DNM1: variants seen among roughly 807,000 people sequenced by gnomAD.
The protein encoded by DNM1 is dynamin-1.
In DNM1, 29 loss-of-function variants were observed where a neutral mutation model predicts 104.6. The observed-to-expected ratio is 0.28, with a 90% CI of 0.21 to 0.38. The LOEUF (loss-of-function observed/expected upper bound fraction) is 0.38. Ranked by LOEUF, DNM1 falls within the 10% of genes least tolerant of loss-of-function variation. The pLI is 1.00. For missense variants in DNM1, 640 were observed against 1,189.4 expected (o/e 0.54, Z 6.79); for synonymous variants, 445 against 475.8 (o/e 0.94, Z 0.84).
In DNM1 at chr9:128,219,877, G is replaced by T; in HGVS notation, c.590-111G>T. 6 of 703,532 alleles carry T rather than the reference G, an allele frequency of 8.5e-6. No homozygotes were observed. In the East Asian group the frequency reaches 1.6e-4, roughly 19 times the overall value. The allele number at this position is 703,532 out of a possible 1,614,324, so 43.6% of individuals were successfully genotyped here. ...AATGAATAAGGGGGAAAGAGAGGAGGCAGTGAGCAGGCAGGGGGCCGAGGA... is the reference window on the plus strand; with the variant it reads ...AATGAATAAGGGGGAAAGAGAGGAGTCAGTGAGCAGGCAGGGGGCCGAGGA... On this transcript the variant is annotated intron_variant, in intron 4 of 21. Transcript: ENST00000372923.
At position 128,246,280 on chromosome 9, in the gene DNM1, G is replaced by A. The variant is rs1402669903; in HGVS notation, c.1672-114G>A. 1.3e-5 allele frequency: 10 copies of A among 763,836 alleles called. No individual in the cohort carries two copies. In the Admixed American group the frequency reaches 1.8e-4, roughly 14 times the overall value. 47.3% of individuals were successfully genotyped at this position (763,836 alleles called of 1,614,324 possible). A position where few individuals can be genotyped will look rare whatever the true frequency, so the allele number is the denominator to read the frequency against. On this transcript the variant is annotated intron_variant, in intron 15 of 21. Coordinates refer to ENST00000372923, the MANE Select transcript of DNM1 (RefSeq NM_004408.4). ...GCTTTTATCTAGCTGCACCTTCGCA[G>A]TGGGAGGGGGCTGATGCTTAGAAGC...
rs61020870 is a variant in DNM1 at position 128,220,742 on chromosome 9, C to CGCGTGT, written c.849+402_849+403insCGTGTG. Among the ~76,000 whole-genome samples, 8 of 136,278 alleles carry CGCGTGT rather than the reference C, an allele frequency of 5.9e-5. No individual in the cohort carries two copies. Among genetic ancestry groups the CGCGTGT allele is most frequent in the Non-Finnish European group, 9.5e-5 (6 of 63,298 alleles). 89.4% of individuals were successfully genotyped at this position (136,278 alleles called of 152,430 possible). ...CAGAACTGAAGTGCGCGCGCGCGCGCGTGTGTGTGTGTGTGTGTGTGTGTG... is the reference window on the plus strand; with the variant it reads ...CAGAACTGAAGTGCGCGCGCGCGCGCGCGTGTGTGTGTGTGTGTGTGTGTGTGTGTG... On this transcript the variant is annotated intron_variant, in intron 6 of 21. Coordinates refer to ENST00000372923, the MANE Select transcript of DNM1 (RefSeq NM_004408.4). The surrounding 1 kb of genome is among the most constrained non-coding windows in gnomAD (Gnocchi z 5.2).
rs985173388 is a variant in DNM1 at position 128,239,797 on chromosome 9, C to A, written c.1545+18C>A. The A allele has an allele frequency of 2.5e-6, 4 of 1,611,542 alleles. No homozygotes were observed. The East Asian group carries it at 8.9e-5, about 36-fold the overall frequency. On this transcript the variant is annotated intron_variant, in intron 13 of 21. Coordinates refer to ENST00000372923, the MANE Select transcript of DNM1 (RefSeq NM_004408.4). ...GGAACCAGGTGAGTGGGGCCCAGCA[C>A]CCCAGCCCGAGGGATGGAGGGTGCC...
rs1358153245 is a variant in DNM1, at chr9:128,244,989, G to T, written c.1672-1405G>T. On this transcript the variant is annotated intron_variant, in intron 15 of 21. Coordinates refer to ENST00000372923, the MANE Select transcript of DNM1 (RefSeq NM_004408.4). The stretch of plus-strand genomic sequence containing the variant: ...CAACTCCCCTTCTGCCTCCTTTGAC[G>T]TGGCAGGGGTGAGCGGGAGCTGGGG... The T allele has an allele frequency of 7.2e-6, 2 of 278,838 alleles. 1 individual carries two copies. Among genetic ancestry groups the T allele is most frequent in the South Asian group, 5.7e-5 (2 of 35,084 alleles). 17.3% of individuals were successfully genotyped at this position (278,838 alleles called of 1,614,324 possible).
At chr9:128,252,936 T>C in intron 21 of DNM1, 1 of 719,048 alleles carries the variant, frequency 1.4e-6, no homozygotes, top group South Asian at 1.5e-5. Flanking sequence ...GAAGGAGGCG[T>C]ATGCGTGTTG....
chr9:128,245,041 G>A lies in DNM1; in HGVS notation c.1672-1353G>A. On this transcript the variant is annotated intron_variant, in intron 15 of 21. Transcript: ENST00000372923. This position sits in a 1 kb window ranked among gnomAD's most constrained non-coding sequence, Gnocchi z 5.2. ...TGAGAAGGAGGGGCCTGAGGAGGGG[G>A]CCGGCCGGCAGGAAGGGAGGGGTGG... 3.9e-6 allele frequency: 1 copy of A among 258,858 alleles called. No individual in the cohort carries two copies. The highest frequency in any genetic ancestry group is 3.4e-5 in the South Asian group (1 of 29,610). The allele number at this position is 258,858 out of a possible 1,614,324, so 16.0% of individuals were successfully genotyped here.
In DNM1 at chr9:128,253,214, C is replaced by A; in HGVS notation, c.2535-1440C>A. Reference sequence around the variant, plus strand: ...CACTAGCTCCACACGGGGCGCGCACCTGGGACCTCAGAGCCAGGCTCCCCG... The same window carrying A: ...CACTAGCTCCACACGGGGCGCGCACATGGGACCTCAGAGCCAGGCTCCCCG... On this transcript the variant is annotated intron_variant, in intron 21 of 21. Transcript: ENST00000372923. This position sits in a 1 kb window ranked among gnomAD's most constrained non-coding sequence, Gnocchi z 5.9. The A allele has an allele frequency of 2.1e-6, 3 of 1,436,912 alleles. No homozygotes were observed. Among genetic ancestry groups the A allele is most frequent in the Non-Finnish European group, 2.9e-6 (3 of 1,039,292 alleles). The allele number at this position is 1,436,912 out of a possible 1,614,324, so 89.0% of individuals were successfully genotyped here. A position where few individuals can be genotyped will look rare whatever the true frequency, so the allele number is the denominator to read the frequency against.
chr9:128,247,705 C>A lies in DNM1; in HGVS notation c.1893+219C>A, dbSNP rs1012762717. Among the ~76,000 whole-genome samples the A allele has an allele frequency of 1.3e-5, 2 of 152,202 alleles. No individual in the cohort carries two copies. Among genetic ancestry groups the A allele is most frequent in the African/African-American group, 4.8e-5 (2 of 41,450 alleles). ...CAGTTTTGTGTCTCTGTCTCTGTTG[C>A]AGATGGCATTTCCTCCATCCCCTTT... On this transcript the variant is annotated intron_variant, in intron 17 of 21. Transcript: ENST00000372923. This position sits in a 1 kb window ranked among gnomAD's most constrained non-coding sequence, Gnocchi z 5.1.
At position 128,220,933 on chromosome 9, in the gene DNM1, CTTTT is replaced by C; in HGVS notation, c.849+593_849+596del. Among the ~76,000 whole-genome samples the C allele has an allele frequency of 1.2e-5, 1 of 86,462 alleles. No homozygotes were observed. Among genetic ancestry groups the C allele is most frequent in the East Asian group, 3.4e-4 (1 of 2,948 alleles). 56.7% of individuals were successfully genotyped at this position (86,462 alleles called of 152,430 possible). On this transcript the variant is annotated intron_variant, in intron 6 of 21. Transcript: ENST00000372923. This position sits in a 1 kb window ranked among gnomAD's most constrained non-coding sequence, Gnocchi z 5.2. ...TCTTTCTTTCTTTCTTTCTTTCTTTCTTTTCTTTTCTTTCTTTCTTTCCTTTCTT... is the reference window on the plus strand; with the variant it reads ...TCTTTCTTTCTTTCTTTCTTTCTTTCCTTTTCTTTCTTTCTTTCCTTTCTT...
intron 1 of DNM1, among the ~76,000 whole-genome samples, chr9:128,209,536 C>T (rs1349254002): frequency 6.6e-6 from 1 of 152,228 alleles, no homozygotes; most frequent in East Asian, 1.9e-4. Context: ...AAATGCAATA[C>T]ATTCTGCCCT....
In DNM1 at chr9:128,203,502, C is replaced by G. The variant is rs775423550; in HGVS notation, c.32C>G (p.Pro11Arg). Reference protein sequence around the residue: MGNRGMEDLIPLVNRLQDAFS... With the variant: MGNRGMEDLIRLVNRLQDAFS... ...AACCGCGGCATGGAAGATCTCATCC[C>G]GCTGGTCAACCGGCTGCAAGACGCC... The change falls in exon 1 of 22, where the codon CCG becomes CGG. Residue 11 changes from proline to arginine, a missense_variant. Physicochemically the swap from Pro to Arg is moderately radical, Grantham distance 103. Coordinates refer to ENST00000372923, the MANE Select transcript of DNM1 (RefSeq NM_004408.4). This position sits in a 1 kb window ranked among gnomAD's most constrained non-coding sequence, Gnocchi z 5.3. The G allele has an allele frequency of 1.3e-6, 2 of 1,534,452 alleles. 1 individual carries two copies. The highest frequency in any genetic ancestry group is 2.4e-5 in the South Asian group (2 of 82,766).
chr9:128,220,936 T>TC lies in DNM1; in HGVS notation c.849+595_849+596insC, dbSNP rs1834962438. 1.8e-5 allele frequency among the ~76,000 whole-genome samples: 2 copies of TC among 110,198 alleles called. No individual in the cohort carries two copies. The highest frequency in any genetic ancestry group is 3.0e-4 in the South Asian group (1 of 3,288). 72.3% of individuals were successfully genotyped at this position (110,198 alleles called of 152,430 possible). ...TTCTTTCTTTCTTTCTTTCTTTCTT[T>TC]TCTTTTCTTTCTTTCTTTCCTTTCT... On this transcript the variant is annotated intron_variant, in intron 6 of 21. Coordinates refer to ENST00000372923, the MANE Select transcript of DNM1 (RefSeq NM_004408.4). This position sits in a 1 kb window ranked among gnomAD's most constrained non-coding sequence, Gnocchi z 5.2.
In DNM1 at chr9:128,254,451, G is replaced by T. The variant is rs1288431282; in HGVS notation, c.2535-203G>T. 6 of 1,475,766 alleles carry T rather than the reference G, an allele frequency of 4.1e-6. No individual in the cohort carries two copies. Among genetic ancestry groups the T allele is most frequent in the Non-Finnish European group, 5.3e-6 (6 of 1,121,600 alleles). The allele number at this position is 1,475,766 out of a possible 1,614,324, so 91.4% of individuals were successfully genotyped here. On this transcript the variant is annotated intron_variant, in intron 21 of 21. Transcript: ENST00000372923. The surrounding 1 kb of genome is among the most constrained non-coding windows in gnomAD (Gnocchi z 6.1). ...CCCCAGGCGCTATCTGTGAAGCTAC[G>T]GCTCCTCCCTCCATCTTCCTCCCCT...
intron 4 of DNM1, 82 bp downstream of exon 4, chr9:128,219,334 C>A: frequency 1.6e-6 from 2 of 1,276,410 alleles, no homozygotes; most frequent in Admixed American, 1.7e-5. Context: ...AGCCTCTGAA[C>A]GGTCTAAGAA....
In DNM1 at chr9:128,203,895, A is replaced by C. The variant is rs971870821; in HGVS notation, c.161+264A>C. Among the ~76,000 whole-genome samples the C allele has an allele frequency of 6.6e-6, 1 of 151,790 alleles. No individual in the cohort carries two copies. Among genetic ancestry groups the C allele is most frequent in the African/African-American group, 2.4e-5 (1 of 41,310 alleles). On this transcript the variant is annotated intron_variant, in intron 1 of 21. Coordinates refer to ENST00000372923, the MANE Select transcript of DNM1 (RefSeq NM_004408.4). This position sits in a 1 kb window ranked among gnomAD's most constrained non-coding sequence, Gnocchi z 5.3. ...CCTCCTCCGTCCCATCCTTTAGGGC[A>C]GACAACGCTCTGCCAGAAGCCCCGG...
intron 1 of DNM1, among the ~76,000 whole-genome samples, chr9:128,214,381 A>G (rs952359698): frequency 4.6e-5 from 7 of 152,218 alleles, no homozygotes; most frequent in Non-Finnish European, 1.0e-4. Context: ...GACAGCTCAG[A>G]CATTCAATGT....
intron 11 of DNM1, among the ~76,000 whole-genome samples, chr9:128,236,314 C>A (rs1472394642): frequency 1.3e-5 from 2 of 152,162 alleles, no homozygotes; most frequent in East Asian, 3.8e-4. Flanking sequence ...CTGTTGTAGC[C>A]CCCTCTGGCT....
rs34036148 is a variant in DNM1, at chr9:128,239,567, C to CGTGTGTGTGTGTGT, written c.1493+89_1493+102dup. Reference sequence around the variant, plus strand: ...AGTGCTCCCTGGGCAGAGAAGGTAACGTGTGTGTGTGTGTGTGTGTGTGTG... The same window carrying CGTGTGTGTGTGTGT: ...AGTGCTCCCTGGGCAGAGAAGGTAACGTGTGTGTGTGTGTGTGTGTGTGTGTGTGTGTGTGTGTG... On this transcript the variant is annotated intron_variant, in intron 12 of 21. Coordinates refer to ENST00000372923, the MANE Select transcript of DNM1 (RefSeq NM_004408.4). 1.4e-4 allele frequency: 127 copies of CGTGTGTGTGTGTGT among 882,468 alleles called. 1 individual carries two copies. In the African/African-American group the frequency reaches 2.1e-3, roughly 14 times the overall value. 54.7% of individuals were successfully genotyped at this position (882,468 alleles called of 1,614,324 possible).
In DNM1 at chr9:128,250,168, C is replaced by A; in HGVS notation, c.2130C>A (p.Asp710Glu). Reference protein sequence around the residue: ...ELLANLYSCGDQNTLMEESAE... With the variant: ...ELLANLYSCGEQNTLMEESAE... The stretch of plus-strand genomic sequence containing the variant: ...TGGCCAACCTGTACTCGTGTGGGGA[C>A]CAGAACACGCTGATGGAGGAGTCGG... Residue 710 changes from aspartate (D) to glutamate (E), a missense_variant, in exon 20 of 22, where the codon GAC becomes GAA. By Grantham distance (45) the Asp-to-Glu change is conservative (BLOSUM62 2). Around this residue, in one of 7 missense-constraint regions of DNM1, gnomAD observed 129 missense variants for 224.6 expected, o/e 0.57. Transcript: ENST00000372923. The A allele has an allele frequency of 6.2e-7, 1 of 1,614,168 alleles. No homozygotes were observed. The highest frequency in any genetic ancestry group is 8.5e-7 in the Non-Finnish European group (1 of 1,180,038).
Sources: allele counts gnomAD v4.1 joint callset (sites outside exome capture counted in the v4.1 genomes callset), GRCh38; gene constraint gnomAD v4.1.1; regional missense constraint gnomAD v4.1.1; non-coding constraint Gnocchi (gnomAD v3.1); transcripts MANE v1.5; gene names NCBI Gene and HGNC (gene_info 2026-07-23, HGNC 2026-07-21).